The following QKI variants were observed in gnomAD, a reference collection of about 807,000 sequenced individuals.
QKI encodes KH domain-containing RNA-binding protein QKI.
A neutral mutation model predicts 39.0 loss-of-function variants in QKI; 10 were observed. The ratio of observed to expected loss-of-function variants is 0.26; its 90% CI spans 0.16 to 0.43. The LOEUF (loss-of-function observed/expected upper bound fraction) is 0.43. QKI is among the 20% of genes least tolerant of loss of function. The pLI, the probability that QKI is intolerant of heterozygous loss-of-function variation, is 1.00. For missense variants in QKI, 218 were observed against 428.0 expected (o/e 0.51, Z 4.33); for synonymous variants, 204 against 155.4 (o/e 1.31, Z -2.33).
intron 4 of QKI, among the ~76,000 whole-genome samples, chr6:163,548,764 G>A (rs1583202845): frequency 6.6e-6 from 1 of 152,160 alleles, no homozygotes; most frequent in Non-Finnish European, 1.5e-5. Context: ...AGTGAGCCAG[G>A]TTTATTTTCA....
intron 3 of QKI, among the ~76,000 whole-genome samples, chr6:163,515,076 A>G (rs1246524882): frequency 1.3e-5 from 2 of 152,202 alleles, no homozygotes; most frequent in Non-Finnish European, 2.9e-5. Context: ...AAATGAACAA[A>G]GTGTGTGAAC....
chr6:163,465,380 A>G (rs1791658992), intron 2 of QKI, among the ~76,000 whole-genome samples: 2 of 152,296 alleles, frequency 1.3e-5, no homozygotes, highest in South Asian at 2.1e-4. Context: ...TCTGATTCCC[A>G]GCACTTTGGG....
chr6:163,566,321 C>T, intron 6 of QKI: 1 of 1,194,138 alleles, frequency 8.4e-7, no homozygotes, highest in Non-Finnish European at 1.0e-6. Context: ...AAGTGATAAA[C>T]TCTTGAAGTG....
chr6:163,512,433 G>T (rs944078958), intron 3 of QKI, among the ~76,000 whole-genome samples: 1 of 151,986 alleles, frequency 6.6e-6, no homozygotes, highest in Non-Finnish European at 1.5e-5. Context: ...ATATAAAAAG[G>T]TCATTCCAGC....
chr6:163,422,364 T>C lies in QKI; in HGVS notation c.142+7029T>C, dbSNP rs536855011. ...AAATGAATCGATTGTAAGATTTATA[T>C]CACATTATTTATTATAAGCAGAATG... On this transcript the variant is annotated intron_variant, in intron 1 of 7. Coordinates refer to ENST00000361752, the MANE Select transcript of QKI (RefSeq NM_006775.3). 2.6e-5 allele frequency among the ~76,000 whole-genome samples: 4 copies of C among 152,318 alleles called. No homozygotes were observed. The East Asian group carries it at 7.7e-4, about 29-fold the overall frequency.
At chr6:163,435,644 T>C (rs1479645982) in intron 1 of QKI, among the ~76,000 whole-genome samples, 1 of 152,220 alleles carries the variant, frequency 6.6e-6, no homozygotes, top group African/African-American at 2.4e-5. Context: ...TTATAAAGTA[T>C]TTAAAATTTT....
intron 1 of QKI, 93 bp downstream of exon 1, chr6:163,415,428 G>A: frequency 7.6e-7 from 1 of 1,315,676 alleles, no homozygotes; most frequent in South Asian, 1.3e-5. Context: ...GAAGGTCACG[G>A]CCGGGCGGGA....
At chr6:163,468,604 C>T (rs1314552231) in intron 2 of QKI, among the ~76,000 whole-genome samples, 1 of 152,180 alleles carries the variant, frequency 6.6e-6, no homozygotes, top group Non-Finnish European at 1.5e-5. Flanking sequence ...TAAACCTCTT[C>T]TTTGTAAATT....
chr6:163,567,837 G>T (rs967807984), intron 7 of QKI: 2 of 984,848 alleles, frequency 2.0e-6, no homozygotes, highest in Non-Finnish European at 2.4e-6. Context: ...TACTTCAATT[G>T]TACATCTTCT....
chr6:163,564,923 A>G, intron 6 of QKI: 1 of 1,352,474 alleles, frequency 7.4e-7, no homozygotes, highest in Non-Finnish European at 9.5e-7. Context: ...ATATTGATTT[A>G]TAAAGATTTG....
intron 4 of QKI, among the ~76,000 whole-genome samples, chr6:163,552,866 A>G (rs1208568672): frequency 6.6e-6 from 1 of 151,870 alleles, no homozygotes; most frequent in Non-Finnish European, 1.5e-5. Flanking sequence ...AATGAGTTTA[A>G]TATATTTTCA....
Position 163,576,075 on chromosome 6 carries a change from A to G in QKI, c.*5365A>G, listed in dbSNP as rs748503036. 3.9e-5 allele frequency: 6 copies of G among 152,222 alleles called. No individual in the cohort carries two copies. The highest frequency in any genetic ancestry group is 9.6e-5 in the African/African-American group (4 of 41,460). The allele number at this position is 152,222 out of a possible 1,614,324, so 9.4% of individuals were successfully genotyped here. A position where few individuals can be genotyped will look rare whatever the true frequency, so the allele number is the denominator to read the frequency against. Reference sequence around the variant, plus strand: ...CTAAGTGCATAGAGTAGTTTTTTACATTGTCACGAATTCCTTAATACCTTT... The same window carrying G: ...CTAAGTGCATAGAGTAGTTTTTTACGTTGTCACGAATTCCTTAATACCTTT... On this transcript the variant is annotated 3_prime_UTR_variant, in exon 8 of 8. Transcript: ENST00000361752.
chr6:163,534,963 T>C lies in QKI; in HGVS notation c.403-19T>C, dbSNP rs757285385. ...TTTAAAGAGAATAATTTTAATCATG[T>C]ACTCTGTAAATTTTTTAGGAGGAGC... On this transcript the variant is annotated intron_variant, in intron 3 of 7. Coordinates refer to ENST00000361752, the MANE Select transcript of QKI (RefSeq NM_006775.3). The C allele has an allele frequency of 6.3e-7, 1 of 1,577,250 alleles. No individual in the cohort carries two copies. Among genetic ancestry groups the C allele is most frequent in the South Asian group, 1.2e-5 (1 of 84,714 alleles).
At chr6:163,564,702 GC>G in intron 6 of QKI, 1 of 1,613,998 alleles carries the variant, frequency 6.2e-7, no homozygotes, top group Non-Finnish European at 8.5e-7. Flanking sequence ...TGATATTTCA[GC>G]CCATTGACTT....
chr6:163,551,270 G>T (rs749564044), intron 4 of QKI, among the ~76,000 whole-genome samples: 10 of 152,102 alleles, frequency 6.6e-5, no homozygotes, highest in Non-Finnish European at 1.5e-4. Flanking sequence ...ACACCAGCTG[G>T]GTGTCCTCCG....
At chr6:163,456,243 G>A (rs984307662) in intron 2 of QKI, among the ~76,000 whole-genome samples, 19 of 151,952 alleles carry the variant, frequency 1.3e-4, no homozygotes, top group African/African-American at 3.6e-4. Context: ...ACTGTTTCAC[G>A]TTGTCTTTTT....
chr6:163,528,838 T>C (rs769881008), intron 3 of QKI, among the ~76,000 whole-genome samples: 4 of 152,202 alleles, frequency 2.6e-5, no homozygotes, highest in Non-Finnish European at 4.4e-5. Context: ...TCTGTTGTTA[T>C]TGCACCCTAC....
chr6:163,526,108 A>AT (rs542389942), intron 3 of QKI, among the ~76,000 whole-genome samples: 104 of 152,340 alleles, frequency 6.8e-4, no homozygotes, highest in African/African-American at 2.4e-3. Flanking sequence ...GGAATCATAC[A>AT]TACCAGACTG....
chr6:163,493,332 G>A (rs1778184330), intron 3 of QKI, among the ~76,000 whole-genome samples: 1 of 152,008 alleles, frequency 6.6e-6, no homozygotes, highest in African/African-American at 2.4e-5. Flanking sequence ...GGGTTTTAAT[G>A]TTGGTCAGGC....
Sources: gnomAD v4.1 joint callset for allele counts (sites outside exome capture counted in the v4.1 genomes callset) on GRCh38, gnomAD v4.1.1 for gene constraint, MANE v1.5 for transcripts, NCBI Gene and HGNC (gene_info 2026-07-23, HGNC 2026-07-21) for gene names.